GABRA2: variants seen among roughly 807,000 people sequenced by gnomAD.
GABRA2 encodes gamma-aminobutyric acid receptor subunit alpha-2.
Under a neutral mutation model 48.7 loss-of-function variants are expected in GABRA2, and 16 were observed. The observed-to-expected ratio is 0.33, with a 90% CI of 0.22 to 0.50. The LOEUF is 0.50. Ranked by LOEUF, GABRA2 falls within the 20% of genes least tolerant of loss-of-function variation. The pLI, the probability that GABRA2 is intolerant of heterozygous loss-of-function variation, is 0.98. For missense variants in GABRA2, 275 were observed against 535.6 expected (o/e 0.51, Z 4.80); for synonymous variants, 185 against 184.5 (o/e 1.00, Z -0.02).
chr4:46,362,623 C>T (rs1188785572), intron 3 of GABRA2, among the ~76,000 whole-genome samples: 2 of 152,142 alleles, frequency 1.3e-5, no homozygotes, highest in African/African-American at 4.8e-5. Flanking sequence ...ATAGAATTAA[C>T]TTCAAAAATA....
At chr4:46,370,224 A>C (rs1714671863) in intron 3 of GABRA2, among the ~76,000 whole-genome samples, 1 of 152,152 alleles carries the variant, frequency 6.6e-6, no homozygotes, top group Non-Finnish European at 1.5e-5. Context: ...AAAATTTGTG[A>C]ATAAACTACA....
At chr4:46,358,058 A>G (rs1319543466) in intron 3 of GABRA2, among the ~76,000 whole-genome samples, 1 of 152,174 alleles carries the variant, frequency 6.6e-6, no homozygotes, top group African/African-American at 2.4e-5. Context: ...CTAGTATATG[A>G]GACACACTTA....
intron 8 of GABRA2, among the ~76,000 whole-genome samples, chr4:46,268,393 A>C (rs1718665939): frequency 6.6e-6 from 1 of 151,978 alleles, no homozygotes; most frequent in African/African-American, 2.4e-5. Flanking sequence ...GGACTTCAAA[A>C]GATATTCCTC....
intron 3 of GABRA2, chr4:46,364,005 G>A (rs1332782524): frequency 6.6e-6 from 1 of 152,122 alleles, no homozygotes; most frequent in Non-Finnish European, 1.5e-5. Context: ...GGAAGACTCA[G>A]AAATAAGATA....
intron 3 of GABRA2, among the ~76,000 whole-genome samples, chr4:46,373,916 A>G (rs1460305672): frequency 6.6e-6 from 1 of 152,042 alleles, no homozygotes; most frequent in Non-Finnish European, 1.5e-5. Context: ...ACTCCCCCCT[A>G]CCTGACCTGA....
At chr4:46,326,640 T>A (rs1645654167) in intron 4 of GABRA2, among the ~76,000 whole-genome samples, 1 of 151,860 alleles carries the variant, frequency 6.6e-6, no homozygotes, top group Non-Finnish European at 1.5e-5. Flanking sequence ...ATATTGGTGT[T>A]CTAGAGTTTC....
At chr4:46,334,406 C>T (rs1452336886) in intron 3 of GABRA2, among the ~76,000 whole-genome samples, 1 of 152,128 alleles carries the variant, frequency 6.6e-6, no homozygotes, top group Non-Finnish European at 1.5e-5. Flanking sequence ...CACACTATTA[C>T]ATTTATTCAA....
intron 8 of GABRA2, among the ~76,000 whole-genome samples, chr4:46,298,215 C>T (rs941700412): frequency 1.3e-5 from 2 of 152,092 alleles, no homozygotes; most frequent in East Asian, 1.9e-4. Flanking sequence ...GCTGTTTTTG[C>T]GTTGTAATTA....
intron 3 of GABRA2, among the ~76,000 whole-genome samples, chr4:46,350,037 A>G (rs1734853207): frequency 6.6e-6 from 1 of 151,894 alleles, no homozygotes; most frequent in Admixed American, 6.6e-5. Flanking sequence ...ACTAGATTAA[A>G]TTTATATATA....
chr4:46,352,636 G>C (rs1346957242), intron 3 of GABRA2, among the ~76,000 whole-genome samples: 1 of 151,972 alleles, frequency 6.6e-6, no homozygotes, highest in African/African-American at 2.4e-5. Flanking sequence ...CCACATAAGA[G>C]AAATTTTAGA....
chr4:46,368,679 G>T (rs1211708534), intron 3 of GABRA2: 1 of 314,474 alleles, frequency 3.2e-6, no homozygotes, highest in African/African-American at 2.1e-5. Context: ...GATTTGTTTG[G>T]GAAGCACAGA....
At chr4:46,379,206 G>A (rs2109347953) in intron 3 of GABRA2, among the ~76,000 whole-genome samples, 1 of 152,276 alleles carries the variant, frequency 6.6e-6, no homozygotes, top group Middle Eastern at 3.4e-3. Flanking sequence ...ACATTACCGT[G>A]TTTCTAGTTT....
At chr4:46,252,499 C>G (rs1415501485) in intron 9 of GABRA2, among the ~76,000 whole-genome samples, 1 of 108,028 alleles carries the variant, frequency 9.3e-6, no homozygotes, top group Non-Finnish European at 2.2e-5. Flanking sequence ...AAAATGAAGG[C>G]TAAAAAAGTT....
intron 9 of GABRA2, among the ~76,000 whole-genome samples, chr4:46,253,486 GT>G (rs1715217160): frequency 6.6e-6 from 1 of 151,406 alleles, no homozygotes. Context: ...GTTAAAACTC[GT>G]TCCAAGTTAT....
chr4:46,388,738 A>G (rs764090266), intron 1 of GABRA2, 22 bp from the exon 2 acceptor site: 46 of 1,613,094 alleles, frequency 2.9e-5, no homozygotes, highest in Non-Finnish European at 3.2e-5. Context: ...CATGGAATGA[A>G]AAACAAAATA....
intron 9 of GABRA2, among the ~76,000 whole-genome samples, chr4:46,257,240 T>A (rs1189992764): frequency 6.6e-6 from 1 of 151,636 alleles, no homozygotes; most frequent in African/African-American, 2.4e-5. Flanking sequence ...AATAAATTAA[T>A]CTGAAAAGTT....
At chr4:46,256,827 T>C (rs1389384310) in intron 9 of GABRA2, among the ~76,000 whole-genome samples, 1 of 151,742 alleles carries the variant, frequency 6.6e-6, no homozygotes, top group Non-Finnish European at 1.5e-5. Flanking sequence ...GAAAATGTGA[T>C]GTTTTCTATG....
chr4:46,290,100 T>A (rs1212525800), intron 8 of GABRA2, among the ~76,000 whole-genome samples: 2 of 141,542 alleles, frequency 1.4e-5, no homozygotes, highest in Non-Finnish European at 3.1e-5. Context: ...TTTTTTTTAG[T>A]AGAGACGGGG....
At chr4:46,382,533 T>G (rs1716901637) in intron 3 of GABRA2, among the ~76,000 whole-genome samples, 1 of 152,250 alleles carries the variant, frequency 6.6e-6, no homozygotes, top group Non-Finnish European at 1.5e-5. Flanking sequence ...AAATCCAACT[T>G]TTATTCTGAA....
Sources: gnomAD v4.1 joint callset for allele counts (sites outside exome capture counted in the v4.1 genomes callset) on GRCh38, gnomAD v4.1.1 for gene constraint, MANE v1.5 for transcripts, NCBI Gene and HGNC (gene_info 2026-07-23, HGNC 2026-07-21) for gene names.